Variants in ADAMTSL3 observed in about 807,000 individuals in gnomAD.
The protein encoded by ADAMTSL3 is ADAMTS like 3, also known as ADAMTS-like protein 3.
In ADAMTSL3, 128 loss-of-function variants were observed where a neutral mutation model predicts 201.7. The ratio of observed to expected loss-of-function variants is 0.63; its 90% CI spans 0.55 to 0.73. The LOEUF (loss-of-function observed/expected upper bound fraction) is 0.73. Ranked by LOEUF, ADAMTSL3 falls within the 30% of genes least tolerant of loss-of-function variation. The pLI, the probability that ADAMTSL3 is intolerant of heterozygous loss-of-function variation, is 0.00. For synonymous variants in ADAMTSL3, 738 were observed against 748.4 expected, an observed-to-expected ratio of 0.99 and a Z score of 0.23; for missense variants, 1,990 against 2,119.6, an observed-to-expected ratio of 0.94 and a Z score of 1.20.
chr15:83,785,519 C>T (rs1323641744), intron 4 of ADAMTSL3, among the ~76,000 whole-genome samples: 1 of 152,078 alleles, frequency 6.6e-6, no homozygotes, highest in Non-Finnish European at 1.5e-5. Flanking sequence ...TTTAGATAAC[C>T]TGTCTGCCCA....
intron 3 of ADAMTSL3, among the ~76,000 whole-genome samples, chr15:83,751,035 A>C (rs998866467): frequency 6.6e-6 from 1 of 152,188 alleles, no homozygotes; most frequent in Non-Finnish European, 1.5e-5. Context: ...CCAGAGACAC[A>C]CTGGTAGGTA....
intron 9 of ADAMTSL3, among the ~76,000 whole-genome samples, chr15:83,871,787 A>G (rs887613236): frequency 6.6e-6 from 1 of 152,202 alleles, no homozygotes; most frequent in Non-Finnish European, 1.5e-5. Flanking sequence ...ATGCCTAAGA[A>G]ATGAAAAAGA....
chr15:83,925,214 T>C (rs996719939), intron 17 of ADAMTSL3, among the ~76,000 whole-genome samples: 2 of 152,102 alleles, frequency 1.3e-5, no homozygotes, highest in Non-Finnish European at 2.9e-5. Context: ...TTGAGAGTCT[T>C]GTTCTCCAGC....
At position 83,982,268 on chromosome 15, in the gene ADAMTSL3, TGG is replaced by T; in HGVS notation, c.2645-4_2645-3del. On this transcript the variant is annotated splice_polypyrimidine_tract_variant and splice_region_variant and intron_variant, in intron 20 of 29. Transcript: ENST00000286744. ...TTCTTTTCTTTCTTTTTTTTTTTCT[TGG>T]AGAAATCAAATCAGAGATGAAGACA... The T allele has an allele frequency of 1.3e-6, 2 of 1,556,786 alleles. No homozygotes were observed. The highest frequency in any genetic ancestry group is 1.7e-6 in the Non-Finnish European group (2 of 1,153,580).
intron 12 of ADAMTSL3, among the ~76,000 whole-genome samples, chr15:83,891,668 C>G (rs1009501040): frequency 6.6e-6 from 1 of 152,120 alleles, no homozygotes; most frequent in African/African-American, 2.4e-5. Context: ...TTTTAATCCC[C>G]TTTTATACCG....
chr15:83,935,264 C>T (rs896696481), intron 17 of ADAMTSL3, among the ~76,000 whole-genome samples: 12 of 152,074 alleles, frequency 7.9e-5, no homozygotes, highest in Admixed American at 7.9e-4. Context: ...CGGTAATACC[C>T]AGTGGTGACA....
intron 9 of ADAMTSL3, among the ~76,000 whole-genome samples, chr15:83,884,494 C>T (rs1018390704): frequency 5.3e-5 from 8 of 151,460 alleles, no homozygotes; most frequent in African/African-American, 1.9e-4. Flanking sequence ...AGGCTGGTCT[C>T]GAACTCCTGA....
chr15:83,829,129 G>A (rs1444268557), intron 6 of ADAMTSL3, among the ~76,000 whole-genome samples: 1 of 152,226 alleles, frequency 6.6e-6, no homozygotes, highest in African/African-American at 2.4e-5. Context: ...ACCTCTGGAA[G>A]AATTCGGCTG....
intron 4 of ADAMTSL3, among the ~76,000 whole-genome samples, chr15:83,788,772 A>G (rs969212676): frequency 6.6e-6 from 1 of 151,446 alleles, no homozygotes; most frequent in African/African-American, 2.4e-5. Flanking sequence ...TTCCTTGATG[A>G]TTTCTTCTAT....
chr15:83,698,317 C>G (rs1250401144), intron 2 of ADAMTSL3, among the ~76,000 whole-genome samples: 1 of 152,140 alleles, frequency 6.6e-6, no homozygotes, highest in African/African-American at 2.4e-5. Context: ...ATATACACTT[C>G]CTCCTGCTCA....
chr15:83,975,759 G>A (rs2067276103), intron 20 of ADAMTSL3, among the ~76,000 whole-genome samples: 2 of 152,148 alleles, frequency 1.3e-5, no homozygotes, highest in Admixed American at 6.5e-5. Flanking sequence ...AAATGGAGTG[G>A]TAAGTTTGGG....
chr15:83,818,516 G>A (rs369502111), intron 5 of ADAMTSL3, among the ~76,000 whole-genome samples: 1 of 152,084 alleles, frequency 6.6e-6, no homozygotes, highest in East Asian at 1.9e-4. Context: ...TCACAGAGAC[G>A]GGGTTTCACC....
rs1293360152 is a variant in ADAMTSL3 at position 84,025,580 on chromosome 15, C to G, written c.4656+144C>G. 9 of 776,588 alleles carry G rather than the reference C, an allele frequency of 1.2e-5. No individual in the cohort carries two copies. The East Asian group carries it at 2.2e-4, about 19-fold the overall frequency. The allele number at this position is 776,588 out of a possible 1,614,324, so 48.1% of individuals were successfully genotyped here. On this transcript the variant is annotated intron_variant, in intron 27 of 29. Transcript: ENST00000286744. ...TCTGAAATGAATGTATGTCTTTGAC[C>G]TCAAGGTTTACATTTAGAAATCATA...
chr15:83,893,044 C>T (rs893896787), intron 13 of ADAMTSL3, among the ~76,000 whole-genome samples, 156 bp downstream of exon 13: 7 of 151,636 alleles, frequency 4.6e-5, no homozygotes, highest in East Asian at 1.9e-4. Context: ...AGTTGGAGGA[C>T]GAGGGAAGAA....
intron 27 of ADAMTSL3, among the ~76,000 whole-genome samples, chr15:84,027,566 T>C (rs958182934): frequency 5.3e-5 from 8 of 151,884 alleles, no homozygotes; most frequent in South Asian, 4.2e-4. Flanking sequence ...AAAAATTAGC[T>C]GGGCGTGGTG....
At chr15:84,017,098 GTTATT>G (rs1400640169) in intron 25 of ADAMTSL3, among the ~76,000 whole-genome samples, 2 of 151,812 alleles carry the variant, frequency 1.3e-5, no homozygotes, top group African/African-American at 4.8e-5. Context: ...TAATTATTTT[GTTATT>G]TTATTTTGTT....
At chr15:83,885,361 G>A (rs2065366544) in intron 10 of ADAMTSL3, 149 bp downstream of exon 10, 1 of 639,564 alleles carries the variant, frequency 1.6e-6, no homozygotes, top group Non-Finnish European at 2.7e-6. Context: ...ATGCAATCGT[G>A]TTAATGAAGA....
At chr15:83,973,350 C>T (rs76706108) in intron 20 of ADAMTSL3, among the ~76,000 whole-genome samples, 4 of 152,248 alleles carry the variant, frequency 2.6e-5, no homozygotes, top group East Asian at 1.9e-4. Context: ...AAACCTTAGC[C>T]GGCATTCCTT....
chr15:84,027,370 A>G (rs1300006189), intron 27 of ADAMTSL3, among the ~76,000 whole-genome samples: 1 of 152,220 alleles, frequency 6.6e-6, no homozygotes, highest in Non-Finnish European at 1.5e-5. Flanking sequence ...TTCCACCCCT[A>G]GGTATGTATC....
Sources: allele counts gnomAD v4.1 joint callset (sites outside exome capture counted in the v4.1 genomes callset), GRCh38; gene constraint gnomAD v4.1.1; transcripts MANE v1.5; gene names NCBI Gene and HGNC (gene_info 2026-07-23, HGNC 2026-07-21).